The following PCDHA3 variants were observed in gnomAD, a reference collection of about 807,000 sequenced individuals.
PCDHA3 encodes the protein protocadherin alpha-3.
Under a neutral mutation model 62.2 loss-of-function variants are expected in PCDHA3, and 41 were observed. The ratio of observed to expected loss-of-function variants is 0.66; its 90% CI spans 0.51 to 0.86. The LOEUF (loss-of-function observed/expected upper bound fraction) is 0.86. Among genes scored for constraint, PCDHA3 ranks in the 40% least tolerant of loss-of-function variants. PCDHA3 has a pLI of 0.00. For synonymous variants in PCDHA3, 640 were observed against 555.4 expected (o/e 1.15, Z -2.14); for missense variants, 1,304 against 1,241.2 (o/e 1.05, Z -0.76).
intron 1 of PCDHA3, among the ~76,000 whole-genome samples, chr5:140,892,881 A>G (rs1562868071): frequency 6.6e-6 from 1 of 152,120 alleles, no homozygotes. Context: ...TTTCGTATCC[A>G]TTAACCAACC....
At chr5:140,807,581 G>T (rs138189439) in intron 1 of PCDHA3, 90 of 1,614,060 alleles carry the variant, frequency 5.6e-5, no homozygotes, top group Non-Finnish European at 7.4e-5. Flanking sequence ...TAACCCGCCG[G>T]TGTTCCCAGC....
chr5:140,840,241 A>G (rs1237223547), intron 1 of PCDHA3, among the ~76,000 whole-genome samples: 1 of 152,048 alleles, frequency 6.6e-6, no homozygotes, highest in Non-Finnish European at 1.5e-5. Flanking sequence ...GAGAATCACT[A>G]TGCTATAAAA....
chr5:140,849,038 C>T, intron 1 of PCDHA3: 5 of 1,575,008 alleles, frequency 3.2e-6, no homozygotes, highest in Non-Finnish European at 4.3e-6. Context: ...TCTTCCTGGA[C>T]GTGCCAACCA....
intron 1 of PCDHA3, among the ~76,000 whole-genome samples, chr5:140,888,046 A>G (rs2061675850): frequency 6.6e-6 from 1 of 152,214 alleles, no homozygotes; most frequent in South Asian, 2.1e-4. Flanking sequence ...CATGTATAAT[A>G]GATGTTTTAA....
chr5:140,815,739 C>T (rs1177563989), intron 1 of PCDHA3: 1 of 152,090 alleles, frequency 6.6e-6, no homozygotes, highest in Non-Finnish European at 1.5e-5. Flanking sequence ...TCAAAAGGCC[C>T]CCTCTTAACA....
intron 1 of PCDHA3, chr5:140,857,107 T>C (rs1206126233): frequency 6.3e-7 from 1 of 1,597,628 alleles, no homozygotes; most frequent in Non-Finnish European, 8.6e-7. Flanking sequence ...TTGTCACTTC[T>C]CTGTCTCTCC....
chr5:140,900,618 C>A (rs1382793608), intron 1 of PCDHA3, among the ~76,000 whole-genome samples: 1 of 152,180 alleles, frequency 6.6e-6, no homozygotes, highest in Non-Finnish European at 1.5e-5. Context: ...ATGTAGATTG[C>A]TTCCAAATCT....
intron 1 of PCDHA3, chr5:140,834,446 A>G (rs1220656854): frequency 1.2e-5 from 19 of 1,598,524 alleles, no homozygotes; most frequent in Non-Finnish European, 1.6e-5. Context: ...TTATAATTCT[A>G]GCAGCTTGGG....
chr5:140,890,056 C>T (rs2062472126), intron 1 of PCDHA3, among the ~76,000 whole-genome samples: 1 of 152,124 alleles, frequency 6.6e-6, no homozygotes, highest in African/African-American at 2.4e-5. Flanking sequence ...GGAGCTGGCT[C>T]TTTTACTGGC....
intron 3 of PCDHA3, among the ~76,000 whole-genome samples, chr5:140,989,275 G>A (rs2097335515): frequency 6.6e-6 from 1 of 152,096 alleles, no homozygotes; most frequent in African/African-American, 2.4e-5. Context: ...TTTCTGCTGG[G>A]GACATCTCAG....
chr5:140,876,699 G>A, intron 1 of PCDHA3: 1 of 1,614,228 alleles, frequency 6.2e-7, no homozygotes, highest in Non-Finnish European at 8.5e-7. Context: ...CGTTGGTGCT[G>A]GACAGCGCCC....
At chr5:140,946,925 C>T (rs1431365562) in intron 1 of PCDHA3, among the ~76,000 whole-genome samples, 1 of 151,242 alleles carries the variant, frequency 6.6e-6, no homozygotes, top group South Asian at 2.1e-4. Context: ...TTTTATTGAA[C>T]AGTAGAGTGT....
chr5:140,949,521 T>C (rs2094388357), intron 1 of PCDHA3, among the ~76,000 whole-genome samples: 1 of 151,932 alleles, frequency 6.6e-6, no homozygotes, highest in East Asian at 1.9e-4. Flanking sequence ...TTGATCCTTT[T>C]ATCTTCATAA....
intron 1 of PCDHA3, chr5:140,877,392 G>A: frequency 1.2e-6 from 2 of 1,613,970 alleles, no homozygotes; most frequent in Non-Finnish European, 1.7e-6. Flanking sequence ...TGGATGAGGC[G>A]GACGCTCCGC....
At chr5:140,977,816 T>C (rs2096776197) in intron 1 of PCDHA3, among the ~76,000 whole-genome samples, 1 of 152,190 alleles carries the variant, frequency 6.6e-6, no homozygotes, top group Non-Finnish European at 1.5e-5. Flanking sequence ...TTATTGACAG[T>C]TTTGAATGGT....
In PCDHA3 at chr5:140,987,224, A is replaced by AAT. The variant is rs1554248891; in HGVS notation, c.2542+4662_2542+4663insTA. Among the ~76,000 whole-genome samples, 91 of 152,046 alleles carry AAT rather than the reference A, an allele frequency of 6.0e-4. 1 individual carries two copies. Among genetic ancestry groups the AAT allele is most frequent in the African/African-American group, 2.0e-3 (84 of 41,424 alleles). ...GTGAGACTCCATCTCAAAAAAAAAA[A>AAT]AAATAATAAATAAAGAAAGAAAGAC... On this transcript the variant is annotated intron_variant, in intron 3 of 3. Coordinates refer to ENST00000522353, the MANE Select transcript of PCDHA3 (RefSeq NM_018906.3).
At chr5:140,823,233 C>G (rs1423575450) in intron 1 of PCDHA3, 1 of 1,613,492 alleles carries the variant, frequency 6.2e-7, no homozygotes, top group Non-Finnish European at 8.5e-7. Flanking sequence ...CGCAGGAGAA[C>G]GCCCTGGTGT....
chr5:140,969,454 A>T, intron 1 of PCDHA3: 1 of 1,511,824 alleles, frequency 6.6e-7, no homozygotes. Flanking sequence ...AACTGAGTAT[A>T]TATAGTATCC....
intron 1 of PCDHA3, chr5:140,877,909 C>A: frequency 6.3e-6 from 9 of 1,432,578 alleles, no homozygotes; most frequent in Non-Finnish European, 7.3e-6. Flanking sequence ...TAACTACATT[C>A]TCTCATTTTT....
Sources: gnomAD v4.1 joint callset for allele counts (sites outside exome capture counted in the v4.1 genomes callset) on GRCh38, gnomAD v4.1.1 for gene constraint, MANE v1.5 for transcripts, NCBI Gene and HGNC (gene_info 2026-07-23, HGNC 2026-07-21) for gene names.